RAMP1: variants seen among roughly 807,000 people sequenced by gnomAD.
The protein encoded by RAMP1 is receptor activity-modifying protein 1.
In RAMP1, 7 loss-of-function variants were observed where a neutral mutation model predicts 8.2. The observed-to-expected ratio is 0.85, with a 90% confidence interval of 0.49 to 1.60. The LOEUF (loss-of-function observed/expected upper bound fraction) is 1.60. Ranked by LOEUF, RAMP1 falls within the 40% of genes most tolerant of loss-of-function variation. The pLI is 0.00. For synonymous variants in RAMP1, 92 were observed against 84.7 expected (o/e 1.09, Z -0.47); for missense variants, 192 against 202.4 (o/e 0.95, Z 0.31).
chr2:237,901,245 T>C (rs150961418), intron 2 of RAMP1, among the ~76,000 whole-genome samples: 2 of 152,368 alleles, frequency 1.3e-5, no homozygotes, highest in African/African-American at 2.4e-5. Flanking sequence ...CACTTTGCCT[T>C]GGAGGTGGCC....
intron 2 of RAMP1, among the ~76,000 whole-genome samples, chr2:237,879,522 G>C (rs548044950): frequency 2.7e-5 from 4 of 147,740 alleles, no homozygotes; most frequent in Admixed American, 2.7e-4. Flanking sequence ...TAAGTTCTAG[G>C]GCACATGTGC....
At chr2:237,868,384 T>G (rs1479738423) in intron 1 of RAMP1, among the ~76,000 whole-genome samples, 3 of 152,146 alleles carry the variant, frequency 2.0e-5, no homozygotes, top group African/African-American at 2.4e-5. Context: ...TGTTTTACAT[T>G]TTCCTCTGAA....
intron 2 of RAMP1, among the ~76,000 whole-genome samples, chr2:237,886,205 C>G (rs2062431047): frequency 6.6e-6 from 1 of 152,174 alleles, no homozygotes; most frequent in Non-Finnish European, 1.5e-5. Context: ...CGGCCCTGCC[C>G]AGGCCGCCCC....
chr2:237,877,414 G>A lies in RAMP1; in HGVS notation c.191+52G>A. ...GGACACGGTTGGGGAGGGAGAGGGG[G>A]CAAGCGGAGGAGGAGTGGACCACGT... is the stretch of plus-strand genomic sequence containing the variant. On this transcript the variant is annotated intron_variant, in intron 2 of 2. Coordinates refer to ENST00000254661, the MANE Select transcript of RAMP1 (RefSeq NM_005855.4). The surrounding 1 kb of genome is among the most constrained non-coding windows in gnomAD (Gnocchi z 4.4). 1 of 1,576,816 alleles carries A rather than the reference G, an allele frequency of 6.3e-7. No individual in the cohort carries two copies. The highest frequency in any genetic ancestry group is 8.6e-7 in the Non-Finnish European group (1 of 1,161,614).
chr2:237,902,501 G>A (rs568757386), intron 2 of RAMP1, among the ~76,000 whole-genome samples: 7 of 152,186 alleles, frequency 4.6e-5, no homozygotes, highest in South Asian at 2.1e-4. Flanking sequence ...GAGGAAAGTG[G>A]GGTCCTGCCC....
rs866973907 is a variant in RAMP1, at chr2:237,871,159, C to T, written c.53-6065C>T. ...GCTGCTCAGAGGTGTCAGTGGATGGCGGGAGTTTCTCAGCCTGGACTTGAG... is the reference window on the plus strand; with the variant it reads ...GCTGCTCAGAGGTGTCAGTGGATGGTGGGAGTTTCTCAGCCTGGACTTGAG... On this transcript the variant is annotated intron_variant, in intron 1 of 2. Transcript: ENST00000254661. Among the ~76,000 whole-genome samples the T allele has an allele frequency of 3.9e-5, 6 of 152,228 alleles. No individual in the cohort carries two copies. In the South Asian group the frequency reaches 8.3e-4, roughly 21 times the overall value.
At chr2:237,868,675 G>A (rs1053412293) in intron 1 of RAMP1, among the ~76,000 whole-genome samples, 6 of 151,818 alleles carry the variant, frequency 4.0e-5, no homozygotes, top group South Asian at 2.1e-4. Context: ...CTTTGCTGGC[G>A]TGGGAATGAA....
intron 2 of RAMP1, among the ~76,000 whole-genome samples, chr2:237,902,132 A>G (rs2062604722): frequency 6.6e-6 from 1 of 151,866 alleles, no homozygotes; most frequent in Admixed American, 6.6e-5. Flanking sequence ...AGAGAGAAGG[A>G]GCACTTCGCG....
intron 2 of RAMP1, among the ~76,000 whole-genome samples, chr2:237,879,011 G>T (rs992809518): frequency 3.3e-4 from 50 of 152,232 alleles, no homozygotes; most frequent in Non-Finnish European, 4.0e-4. Flanking sequence ...CTGTACTGAA[G>T]GTCTCTCCAA....
At chr2:237,899,123 T>C (rs1258479833) in intron 2 of RAMP1, among the ~76,000 whole-genome samples, 1 of 151,596 alleles carries the variant, frequency 6.6e-6, no homozygotes, top group Admixed American at 6.6e-5. Context: ...CATGCTGGAG[T>C]GCAGTGGCAT....
intron 1 of RAMP1, among the ~76,000 whole-genome samples, chr2:237,868,596 A>C (rs907779108): frequency 3.3e-5 from 5 of 152,068 alleles, no homozygotes; most frequent in South Asian, 2.1e-4. Context: ...AAAACAAAAA[A>C]AAAAAAACAG....
rs959783095 is a variant in RAMP1 at position 237,865,196 on chromosome 2, G to A, written c.52+5469G>A. 7.3e-5 allele frequency among the ~76,000 whole-genome samples: 11 copies of A among 151,484 alleles called. No homozygotes were observed. Among genetic ancestry groups the A allele is most frequent in the Admixed American group, 3.9e-4 (6 of 15,224 alleles). ...GCCTGGATGCAGGAAGTGAGGCAGC[G>A]CTGAGGAATGAAGAACAGCACCTGG... is the stretch of plus-strand genomic sequence containing the variant. On this transcript the variant is annotated intron_variant, in intron 1 of 2. Transcript: ENST00000254661. This position sits in a 1 kb window ranked among gnomAD's most constrained non-coding sequence, Gnocchi z 4.2.
intron 2 of RAMP1, among the ~76,000 whole-genome samples, chr2:237,881,453 C>T (rs766012359): frequency 2.6e-5 from 4 of 152,182 alleles, no homozygotes; most frequent in Non-Finnish European, 4.4e-5. Flanking sequence ...GAAGTGGGGT[C>T]GCAGGACCAA....
chr2:237,865,711 A>G lies in RAMP1; in HGVS notation c.52+5984A>G, dbSNP rs1333044193. Among the ~76,000 whole-genome samples, 1 of 152,110 alleles carries G rather than the reference A, an allele frequency of 6.6e-6. No homozygotes were observed. Among genetic ancestry groups the G allele is most frequent in the Non-Finnish European group, 1.5e-5 (1 of 68,024 alleles). On this transcript the variant is annotated intron_variant, in intron 1 of 2. Coordinates refer to ENST00000254661, the MANE Select transcript of RAMP1 (RefSeq NM_005855.4). This position sits in a 1 kb window ranked among gnomAD's most constrained non-coding sequence, Gnocchi z 4.2. ...GGCAGCAGGGCCTGGCCTATGTCAA[A>G]TCCTTGCTTGGAGGGGTGACCGGTG...
chr2:237,893,004 C>G (rs1038209407), intron 2 of RAMP1, among the ~76,000 whole-genome samples: 3 of 152,140 alleles, frequency 2.0e-5, no homozygotes, highest in African/African-American at 7.2e-5. Flanking sequence ...AGCATCATTC[C>G]CTTTTACATG....
chr2:237,892,041 G>A (rs1231750479), intron 2 of RAMP1, among the ~76,000 whole-genome samples: 2 of 152,000 alleles, frequency 1.3e-5, no homozygotes, highest in African/African-American at 4.8e-5. Flanking sequence ...GAAGTTTACT[G>A]GTAACTCTTT....
chr2:237,908,540 C>T lies in RAMP1; in HGVS notation c.192-2988C>T, dbSNP rs191696302. Among the ~76,000 whole-genome samples the T allele has an allele frequency of 6.8e-3, 1,031 of 152,122 alleles. 6 individuals carry two copies. The highest frequency in any genetic ancestry group is 0.024 in the Middle Eastern group (7 of 294). ...GCAACCTCCACCTCCTGGGTTCAAG[C>T]GATTCTCTTGCCTCAGACTCCCTCG... On this transcript the variant is annotated intron_variant, in intron 2 of 2. Transcript: ENST00000254661.
intron 2 of RAMP1, among the ~76,000 whole-genome samples, chr2:237,907,338 C>T (rs1438538231): frequency 3.9e-5 from 6 of 152,188 alleles, no homozygotes; most frequent in East Asian, 1.9e-4. Flanking sequence ...CTTGGATCTG[C>T]GATTTTATGT....
chr2:237,876,921 GC>G (rs2151008600), intron 1 of RAMP1, among the ~76,000 whole-genome samples: 1 of 152,262 alleles, frequency 6.6e-6, no homozygotes, highest in Admixed American at 6.5e-5. Flanking sequence ...CTGTCTCCGG[GC>G]CCCTCTCATG....
Sources: gnomAD v4.1 joint callset for allele counts (sites outside exome capture counted in the v4.1 genomes callset) on GRCh38, gnomAD v4.1.1 for gene constraint, Gnocchi (gnomAD v3.1) non-coding constraint, MANE v1.5 for transcripts, NCBI Gene and HGNC (gene_info 2026-07-23, HGNC 2026-07-21) for gene names.